CUL1: variants seen among roughly 807,000 people sequenced by gnomAD.
CUL1 encodes the protein cullin 1, also known as cullin-1.
A neutral mutation model predicts 118.0 loss-of-function variants in CUL1; 24 were observed. The observed-to-expected ratio is 0.20, with a 90% confidence interval of 0.15 to 0.29. The LOEUF (loss-of-function observed/expected upper bound fraction) is 0.29, where lower values mean the gene tolerates loss of function less well. Ranked by LOEUF, CUL1 falls within the 10% of genes least tolerant of loss-of-function variation. CUL1 has a pLI of 1.00. For missense variants in CUL1, 361 were observed against 933.8 expected (o/e 0.39, Z 7.99); for synonymous variants, 332 against 340.4 (o/e 0.98, Z 0.27).
intron 7 of CUL1, among the ~76,000 whole-genome samples, chr7:148,763,248 C>A (rs1277223911): frequency 1.3e-5 from 2 of 152,168 alleles, no homozygotes; most frequent in African/African-American, 2.4e-5. Flanking sequence ...CAGCATGAGG[C>A]CCGCCTTCAA....
chr7:148,752,119 AC>A (rs1481123537), intron 2 of CUL1, among the ~76,000 whole-genome samples: 12 of 152,224 alleles, frequency 7.9e-5, no homozygotes, highest in Admixed American at 3.9e-4. Context: ...CTCAAAAAAA[AC>A]AAAACAAAAT....
chr7:148,702,536 A>C (rs1258675301), intron 1 of CUL1, among the ~76,000 whole-genome samples: 1 of 152,254 alleles, frequency 6.6e-6, no homozygotes, highest in Non-Finnish European at 1.5e-5. Context: ...TCATGTTTAA[A>C]AAGCAGGGTT....
At chr7:148,701,659 T>C (rs1401480706) in intron 1 of CUL1, among the ~76,000 whole-genome samples, 1 of 152,196 alleles carries the variant, frequency 6.6e-6, no homozygotes, top group Non-Finnish European at 1.5e-5. Context: ...GATAGGAAGT[T>C]GCTGTAGGAG....
intron 1 of CUL1, among the ~76,000 whole-genome samples, chr7:148,702,312 A>G (rs1425794171): frequency 1.3e-5 from 2 of 152,200 alleles, no homozygotes; most frequent in Non-Finnish European, 2.9e-5. Context: ...TTGCTTAGGT[A>G]TAGAACATCT....
intron 9 of CUL1, among the ~76,000 whole-genome samples, chr7:148,775,228 T>C (rs531680408): frequency 6.6e-6 from 1 of 152,344 alleles, no homozygotes; most frequent in Admixed American, 6.5e-5. Flanking sequence ...TAACTGAGTC[T>C]TGATGCAAAC....
At chr7:148,767,451 A>T (rs543209091) in intron 8 of CUL1, among the ~76,000 whole-genome samples, 168 bp from the exon 9 acceptor site, 1 of 152,162 alleles carries the variant, frequency 6.6e-6, no homozygotes, top group South Asian at 2.1e-4. Flanking sequence ...AAATATACAT[A>T]TACCAAATAG....
rs776376224 is a variant in CUL1 at position 148,788,665 on chromosome 7, C to T, written c.1588C>T (p.Pro530Ser). 3 of 1,601,302 alleles carry T rather than the reference C, an allele frequency of 1.9e-6. No homozygotes were observed. In the East Asian group the frequency reaches 6.7e-5, roughly 36 times the overall value. Reference protein sequence around the residue: ...QFKKHLTNSEPLDLDFSIQVL... With the variant: ...QFKKHLTNSESLDLDFSIQVL... The stretch of plus-strand genomic sequence containing the variant: ...CAAAAAGCACTTGACAAACTCAGAA[C>T]CCCTAGACTGTGAGTATCCGTGTGT... Residue 530 changes from proline to serine, a missense_variant, in exon 14 of 22, where the codon CCC becomes TCC. By Grantham distance (74) the Pro-to-Ser change is moderately conservative (BLOSUM62 -1). Coordinates refer to ENST00000325222, the MANE Select transcript of CUL1 (RefSeq NM_003592.3).
At chr7:148,768,839 C>T (rs1345760262) in intron 9 of CUL1, among the ~76,000 whole-genome samples, 1 of 151,966 alleles carries the variant, frequency 6.6e-6, no homozygotes, top group Non-Finnish European at 1.5e-5. Context: ...TTGAAGGCTT[C>T]TTTTCCGTGT....
intron 1 of CUL1, among the ~76,000 whole-genome samples, chr7:148,725,307 G>A (rs1344311034): frequency 1.3e-5 from 2 of 152,028 alleles, no homozygotes; most frequent in African/African-American, 4.8e-5. Flanking sequence ...CATTGGAGCA[G>A]GCTGGTAGAT....
Position 148,799,186 on chromosome 7 carries a change from C to T in CUL1, c.2137-89C>T, listed in dbSNP as rs77660390. Reference sequence around the variant, plus strand: ...AAATTGTGATCCTGTGCATAGGCGTCGGCAGCCTCTGTGCAGCTTGTCCTT... The same window carrying T: ...AAATTGTGATCCTGTGCATAGGCGTTGGCAGCCTCTGTGCAGCTTGTCCTT... On this transcript the variant is annotated intron_variant, in intron 20 of 21. Coordinates refer to ENST00000325222, the MANE Select transcript of CUL1 (RefSeq NM_003592.3). 5.9e-4 allele frequency: 554 copies of T among 938,150 alleles called. 1 individual carries two copies. The African/African-American group carries it at 7.7e-3, about 13-fold the overall frequency. 58.1% of individuals were successfully genotyped at this position (938,150 alleles called of 1,614,324 possible).
At chr7:148,731,478 A>C (rs1362075400) in intron 2 of CUL1, among the ~76,000 whole-genome samples, 1 of 152,254 alleles carries the variant, frequency 6.6e-6, no homozygotes, top group African/African-American at 2.4e-5. Context: ...GCATATTTAT[A>C]CATGTATATA....
intron 3 of CUL1, 92 bp downstream of exon 3, chr7:148,754,242 C>T (rs1300426235): frequency 4.6e-6 from 4 of 862,416 alleles, no homozygotes; most frequent in Non-Finnish European, 7.0e-6. Context: ...TCACTGTCAT[C>T]TGTTACTGTT....
intron 1 of CUL1, among the ~76,000 whole-genome samples, chr7:148,699,464 CG>C (rs1037662341): frequency 6.6e-6 from 1 of 152,112 alleles, no homozygotes; most frequent in African/African-American, 2.4e-5. Flanking sequence ...CGCGGGACGC[CG>C]GGACCCGTGC....
At chr7:148,714,225 A>G (rs983827394) in intron 1 of CUL1, among the ~76,000 whole-genome samples, 3 of 152,258 alleles carry the variant, frequency 2.0e-5, no homozygotes, top group Non-Finnish European at 4.4e-5. Flanking sequence ...TGATGATTTG[A>G]TATATGTACG....
At chr7:148,739,745 A>T (rs1205725419) in intron 2 of CUL1, among the ~76,000 whole-genome samples, 1 of 152,100 alleles carries the variant, frequency 6.6e-6, no homozygotes, top group Non-Finnish European at 1.5e-5. Flanking sequence ...AACCTAATTT[A>T]TTGGTTTTAT....
chr7:148,751,361 A>G (rs1799484564), intron 2 of CUL1, among the ~76,000 whole-genome samples: 1 of 152,036 alleles, frequency 6.6e-6, no homozygotes, highest in South Asian at 2.1e-4. Flanking sequence ...CAACCTGACC[A>G]ATATGGTGAA....
At chr7:148,780,143 C>T (rs1800574087) in intron 9 of CUL1, among the ~76,000 whole-genome samples, 1 of 152,008 alleles carries the variant, frequency 6.6e-6, no homozygotes, top group South Asian at 2.1e-4. Context: ...TTAGTTCTGT[C>T]CTTCTAGGGA....
In CUL1 at chr7:148,766,967, C is replaced by T. The variant is rs146424888; in HGVS notation, c.952+244C>T. Among the ~76,000 whole-genome samples the T allele has an allele frequency of 3.9e-5, 6 of 152,108 alleles. No homozygotes were observed. In the East Asian group the frequency reaches 9.7e-4, roughly 24 times the overall value. On this transcript the variant is annotated intron_variant, in intron 8 of 21. Transcript: ENST00000325222. The stretch of plus-strand genomic sequence containing the variant: ...ACACTTTAGCATTAAATGATGCTAC[C>T]CCAAGTTTTTTCTTGACTGTTCTTC...
At position 148,759,652 on chromosome 7, in the gene CUL1, C is replaced by A. The variant is rs1286083654; in HGVS notation, c.625+14C>A. On this transcript the variant is annotated intron_variant, in intron 6 of 21. Transcript: ENST00000325222. ...TACAGTCTTACGGTAAATAATTTCC[C>A]TTTAGTTTATTCAAAGTTTTCACAT... 3 of 1,501,796 alleles carry A rather than the reference C, an allele frequency of 2.0e-6. No individual in the cohort carries two copies. Among genetic ancestry groups the A allele is most frequent in the African/African-American group, 2.8e-5 (2 of 71,322 alleles). 93.0% of individuals were successfully genotyped at this position (1,501,796 alleles called of 1,614,324 possible).
Sources: gnomAD v4.1 joint callset for allele counts (sites outside exome capture counted in the v4.1 genomes callset) on GRCh38, gnomAD v4.1.1 for gene constraint, MANE v1.5 for transcripts, NCBI Gene and HGNC (gene_info 2026-07-23, HGNC 2026-07-21) for gene names.